The following PTPRK variants were observed in gnomAD, a reference collection of about 807,000 sequenced individuals.
PTPRK encodes protein tyrosine phosphatase receptor type K, also known as receptor-type tyrosine-protein phosphatase kappa.
A neutral mutation model predicts 178.0 loss-of-function variants in PTPRK; 75 were observed. The observed-to-expected ratio is 0.42, with a 90% CI of 0.35 to 0.51. PTPRK has a LOEUF of 0.51. PTPRK is among the 20% of genes least tolerant of loss of function. PTPRK has a pLI of 0.02. For synonymous variants in PTPRK, 637 were observed against 620.6 expected, an observed-to-expected ratio of 1.03 and a Z score of -0.39; for missense variants, 1,441 against 1,797.8, an observed-to-expected ratio of 0.80 and a Z score of 3.59.
Position 127,990,885 on chromosome 6 carries a change from C to A in PTPRK, c.2980G>T (p.Val994Phe). The change falls in exon 21 of 30, where the codon GTT becomes TTT. Residue 994 changes from valine (V) to phenylalanine (F), a missense_variant and splice_region_variant. Coordinates refer to ENST00000368226, the MANE Select transcript of PTPRK (RefSeq NM_002844.4). Reference sequence around the variant, plus strand: ...TCAGGCCAATATTTATAGCATTTAACCTAAGTGACAAAAAGAATATATAGA... The same window carrying A: ...TCAGGCCAATATTTATAGCATTTAAACTAAGTGACAAAAAGAATATATAGA... ...MVTNLVEVGR[V>F]KCYKYWPDDT... is the part of the protein sequence containing the mutation. The A allele has an allele frequency of 6.4e-7, 1 of 1,571,738 alleles. No individual in the cohort carries two copies. Among genetic ancestry groups the A allele is most frequent in the Non-Finnish European group, 8.8e-7 (1 of 1,142,382 alleles).
chr6:128,383,321 GA>G lies in PTPRK; in HGVS notation c.223+14244del, dbSNP rs966689369. 4.7e-5 allele frequency among the ~76,000 whole-genome samples: 7 copies of G among 150,182 alleles called. No individual in the cohort carries two copies. The South Asian group carries it at 6.4e-4, about 14-fold the overall frequency. ...TTCCAAAGATTTCATGTAACATGCA[GA>G]AAAAAAAACATAAACACCATCAGTA... On this transcript the variant is annotated intron_variant, in intron 2 of 29. Coordinates refer to ENST00000368226, the MANE Select transcript of PTPRK (RefSeq NM_002844.4).
At chr6:128,468,565 T>TTGTCA (rs1850200227) in intron 1 of PTPRK, among the ~76,000 whole-genome samples, 1 of 152,146 alleles carries the variant, frequency 6.6e-6, no homozygotes, top group Non-Finnish European at 1.5e-5. Context: ...TTGATATAAA[T>TTGTCA]TGTCATGAGT....
intron 7 of PTPRK, among the ~76,000 whole-genome samples, chr6:128,152,743 C>A (rs1042097534): frequency 6.6e-6 from 1 of 151,718 alleles, no homozygotes; most frequent in African/African-American, 2.4e-5. Context: ...AAAAGCAGAC[C>A]CACGTGGCAA....
Position 127,981,134 on chromosome 6 carries a change from G to T in PTPRK, c.3693C>A (p.Ile1231=), listed in dbSNP as rs1330592206. The T allele has an allele frequency of 6.2e-7, 1 of 1,613,866 alleles. No homozygotes were observed. The change falls in exon 25 of 30, where the codon ATC becomes ATA. Residue 1231 remains isoleucine, a synonymous_variant. Coordinates refer to ENST00000368226, the MANE Select transcript of PTPRK (RefSeq NM_002844.4). The part of the protein sequence containing the change: ...ITIDGESSNY[I]NAALMDSYRQ... ...CTCTTACGTCCATAAGAGCAGCATTGATGTAGTTACTGCTCTCCCCATCAA... is the reference window on the plus strand; with the variant it reads ...CTCTTACGTCCATAAGAGCAGCATTTATGTAGTTACTGCTCTCCCCATCAA...
intron 1 of PTPRK, among the ~76,000 whole-genome samples, chr6:128,469,515 A>G (rs537846346): frequency 2.0e-5 from 3 of 152,306 alleles, no homozygotes; most frequent in East Asian, 3.9e-4. Context: ...GAAGAGTAAA[A>G]CAATCAAGTT....
intron 1 of PTPRK, among the ~76,000 whole-genome samples, chr6:128,402,111 G>T (rs1841099514): frequency 6.6e-6 from 1 of 152,056 alleles, no homozygotes; most frequent in Admixed American, 6.5e-5. Flanking sequence ...TTACAAAAAA[G>T]CCAATATATT....
intron 13 of PTPRK, among the ~76,000 whole-genome samples, chr6:128,027,431 A>G (rs560443608): frequency 3.5e-4 from 54 of 152,334 alleles, no homozygotes; most frequent in Non-Finnish European, 7.1e-4. Flanking sequence ...AAGAGTTCAA[A>G]GAGTCCTTCA....
chr6:128,184,288 T>G, intron 7 of PTPRK, 144 bp downstream of exon 7: 1 of 837,662 alleles, frequency 1.2e-6, no homozygotes, highest in Non-Finnish European at 1.8e-6. Context: ...ATAATCAAGG[T>G]GATGATTTAT....
At chr6:128,025,465 G>C (rs893331302) in intron 13 of PTPRK, among the ~76,000 whole-genome samples, 5 of 152,174 alleles carry the variant, frequency 3.3e-5, no homozygotes, top group Admixed American at 6.5e-5. Flanking sequence ...GTTCTATCTA[G>C]CTCAAATAAG....
chr6:128,067,341 G>T, intron 12 of PTPRK, 178 bp downstream of exon 12: 1 of 511,138 alleles, frequency 2.0e-6, no homozygotes, highest in Non-Finnish European at 3.1e-6. Context: ...TGGAACTGGC[G>T]TGCGGCCTCA....
At chr6:128,094,823 A>G (rs954867533) in intron 7 of PTPRK, among the ~76,000 whole-genome samples, 1 of 152,142 alleles carries the variant, frequency 6.6e-6, no homozygotes, top group Non-Finnish European at 1.5e-5. Flanking sequence ...AGAAAGAAAA[A>G]GAGAGAAGGT....
chr6:128,074,078 T>A (rs1783329335), intron 11 of PTPRK, among the ~76,000 whole-genome samples: 1 of 152,190 alleles, frequency 6.6e-6, no homozygotes, highest in Non-Finnish European at 1.5e-5. Flanking sequence ...TCAGACAATT[T>A]CTTTTCCTAA....
chr6:128,308,119 T>A (rs1826703387), intron 3 of PTPRK, among the ~76,000 whole-genome samples: 1 of 151,150 alleles, frequency 6.6e-6, no homozygotes, highest in African/African-American at 2.4e-5. Context: ...TACATAAACC[T>A]GGATATTGAC....
chr6:128,079,411 T>A (rs1784414006), intron 10 of PTPRK, among the ~76,000 whole-genome samples: 1 of 152,048 alleles, frequency 6.6e-6, no homozygotes, highest in South Asian at 2.1e-4. Flanking sequence ...ACAACTCTGG[T>A]CACAAGAGAA....
At chr6:128,332,254 T>C (rs1830374062) in intron 2 of PTPRK, among the ~76,000 whole-genome samples, 1 of 152,222 alleles carries the variant, frequency 6.6e-6, no homozygotes, top group African/African-American at 2.4e-5. Flanking sequence ...ATGTCATAAA[T>C]AGTTAAAAGG....
chr6:128,345,093 A>T (rs1234016390), intron 2 of PTPRK, among the ~76,000 whole-genome samples: 1 of 150,660 alleles, frequency 6.6e-6, no homozygotes, highest in East Asian at 2.0e-4. Flanking sequence ...TATGTGATGT[A>T]GGACTTTAAG....
At chr6:128,203,752 C>A (rs960118385) in intron 6 of PTPRK, among the ~76,000 whole-genome samples, 2 of 152,066 alleles carry the variant, frequency 1.3e-5, no homozygotes, top group African/African-American at 2.4e-5. Context: ...AAACTACAAA[C>A]CACTCCTCCA....
intron 2 of PTPRK, among the ~76,000 whole-genome samples, chr6:128,336,191 G>GT (rs67818767): frequency 4.4e-4 from 65 of 147,532 alleles, no homozygotes; most frequent in African/African-American, 1.4e-3. Context: ...CCAACAGTGT[G>GT]TTTTTTTTTT....
At chr6:128,032,003 C>T (rs566783018) in intron 13 of PTPRK, among the ~76,000 whole-genome samples, 35 of 152,294 alleles carry the variant, frequency 2.3e-4, no homozygotes, top group African/African-American at 8.2e-4. Flanking sequence ...CCAGTGTATT[C>T]GCAGTCACAA....
Sources: allele counts gnomAD v4.1 joint callset (sites outside exome capture counted in the v4.1 genomes callset), GRCh38; gene constraint gnomAD v4.1.1; transcripts MANE v1.5; gene names NCBI Gene and HGNC (gene_info 2026-07-23, HGNC 2026-07-21).